SMYD3: variants seen among roughly 807,000 people sequenced by gnomAD.
The protein encoded by SMYD3 is histone-lysine N-methyltransferase SMYD3.
A neutral mutation model predicts 57.7 loss-of-function variants in SMYD3; 36 were observed. The observed-to-expected ratio is 0.62, with a 90% CI of 0.48 to 0.82. The LOEUF is 0.82. Among genes scored for constraint, SMYD3 ranks in the 40% least tolerant of loss-of-function variants. The probability of loss-of-function intolerance (pLI) is 0.00; values close to 1 mark genes in which losing one functional copy is unlikely to be tolerated. For synonymous variants in SMYD3, 211 were observed against 195.0 expected (o/e 1.08, Z -0.68); for missense variants, 515 against 538.8 (o/e 0.96, Z 0.44).
chr1:246,349,795 A>G (rs756322004), intron 2 of SMYD3, among the ~76,000 whole-genome samples: 1 of 152,220 alleles, frequency 6.6e-6, no homozygotes, highest in Non-Finnish European at 1.5e-5. Flanking sequence ...GTTCTAATGA[A>G]GAGAAAAGAA....
At chr1:245,968,914 G>A (rs1572812682) in intron 5 of SMYD3, among the ~76,000 whole-genome samples, 1 of 152,074 alleles carries the variant, frequency 6.6e-6, no homozygotes, top group African/African-American at 2.4e-5. Flanking sequence ...CACTGTTAAG[G>A]AGGCAATGCT....
chr1:246,267,899 T>G (rs944743713), intron 5 of SMYD3, among the ~76,000 whole-genome samples: 4 of 152,258 alleles, frequency 2.6e-5, no homozygotes, highest in African/African-American at 9.6e-5. Context: ...GTCTTTGTTC[T>G]GTCAATCCCT....
intron 8 of SMYD3, among the ~76,000 whole-genome samples, chr1:245,890,216 C>T (rs770074509): frequency 4.5e-4 from 69 of 152,058 alleles, no homozygotes; most frequent in Non-Finnish European, 8.1e-4. Context: ...GCAACCAAAA[C>T]AAAAATGGAC....
chr1:245,951,116 A>C (rs1034809689), intron 5 of SMYD3, among the ~76,000 whole-genome samples: 1 of 152,126 alleles, frequency 6.6e-6, no homozygotes, highest in African/African-American at 2.4e-5. Flanking sequence ...CTGAAGAAAA[A>C]CAAGGAGGCA....
chr1:246,180,533 G>A (rs1298324469), intron 5 of SMYD3, among the ~76,000 whole-genome samples: 1 of 150,040 alleles, frequency 6.7e-6, no homozygotes, highest in African/African-American at 2.4e-5. Flanking sequence ...CGAGGCAGGT[G>A]GATCATGAAG....
At chr1:245,840,102 A>G (rs566636914) in intron 10 of SMYD3, among the ~76,000 whole-genome samples, 3 of 152,314 alleles carry the variant, frequency 2.0e-5, no homozygotes, top group African/African-American at 4.8e-5. Flanking sequence ...CAGCACTTTC[A>G]GAGTGAAAGA....
At position 246,285,528 on chromosome 1, in the gene SMYD3, T is replaced by C. The variant is rs529445658; in HGVS notation, c.531+41673A>G. ...AGGACTTAAATCTAAGACCTGAAAC[T>C]ATAAAAATGCTACAAAAAAAAAAAT... On this transcript the variant is annotated intron_variant, in intron 5 of 11. Coordinates refer to ENST00000490107, the MANE Select transcript of SMYD3 (RefSeq NM_001167740.2). Among the ~76,000 whole-genome samples, 8 of 150,382 alleles carry C rather than the reference T, an allele frequency of 5.3e-5. No homozygotes were observed. The South Asian group carries it at 1.3e-3, about 24-fold the overall frequency.
intron 1 of SMYD3, among the ~76,000 whole-genome samples, chr1:246,474,740 G>A (rs1342018024): frequency 6.6e-6 from 1 of 152,102 alleles, no homozygotes; most frequent in Non-Finnish European, 1.5e-5. Context: ...GGGGAGACAG[G>A]AGACAGAGGG....
chr1:246,034,491 G>GA (rs550487847), intron 5 of SMYD3: 23 of 152,286 alleles, frequency 1.5e-4, no homozygotes, highest in African/African-American at 5.5e-4. Context: ...AGACAATGAA[G>GA]AAAGAACATG....
chr1:245,776,053 C>T (rs372632790), intron 10 of SMYD3, among the ~76,000 whole-genome samples: 2 of 152,142 alleles, frequency 1.3e-5, no homozygotes, highest in African/African-American at 4.8e-5. Context: ...GTAGGAGAAA[C>T]AGTAGTATTC....
intron 1 of SMYD3, among the ~76,000 whole-genome samples, chr1:246,473,380 A>C (rs545063331): frequency 1.3e-5 from 2 of 152,330 alleles, no homozygotes; most frequent in South Asian, 4.1e-4. Context: ...ATTCAAAAAA[A>C]ATGCCTTGAT....
chr1:245,973,856 G>A lies in SMYD3; in HGVS notation c.532-43919C>T, dbSNP rs573804811. 1.4e-4 allele frequency among the ~76,000 whole-genome samples: 21 copies of A among 152,254 alleles called. No individual in the cohort carries two copies. The South Asian group carries it at 2.1e-3, about 15-fold the overall frequency. On this transcript the variant is annotated intron_variant, in intron 5 of 11. Coordinates refer to ENST00000490107, the MANE Select transcript of SMYD3 (RefSeq NM_001167740.2). ...AGACCTATTTCTCACCAAGTCATTC[G>A]GAAACGTAAATGTCCAGAAAAATAA...
chr1:246,386,849 T>C (rs934072248), intron 1 of SMYD3, among the ~76,000 whole-genome samples: 6 of 152,058 alleles, frequency 3.9e-5, no homozygotes, highest in African/African-American at 1.2e-4. Flanking sequence ...CATTATAAGA[T>C]TGTTATACAA....
At chr1:245,836,595 G>A (rs189399110) in intron 10 of SMYD3, among the ~76,000 whole-genome samples, 1 of 152,280 alleles carries the variant, frequency 6.6e-6, no homozygotes. Flanking sequence ...TCAGTGGACC[G>A]TCCTAAACAT....
At chr1:246,339,927 G>A (rs1477674922) in intron 2 of SMYD3, among the ~76,000 whole-genome samples, 3 of 152,100 alleles carry the variant, frequency 2.0e-5, no homozygotes, top group African/African-American at 7.2e-5. Context: ...TGGACTTCCC[G>A]GCCTCCAGAA....
chr1:245,941,244 C>G (rs1450566704), intron 5 of SMYD3, among the ~76,000 whole-genome samples: 3 of 152,234 alleles, frequency 2.0e-5, no homozygotes, highest in Admixed American at 1.3e-4. Context: ...AAACATAACT[C>G]AAGGTATCAT....
chr1:245,901,400 A>G (rs1206412495), intron 8 of SMYD3, among the ~76,000 whole-genome samples: 1 of 152,236 alleles, frequency 6.6e-6, no homozygotes, highest in Non-Finnish European at 1.5e-5. Flanking sequence ...ATTATGTGAA[A>G]TATTTCATAT....
intron 10 of SMYD3, among the ~76,000 whole-genome samples, chr1:245,792,811 G>A (rs1294440545): frequency 6.6e-6 from 1 of 152,126 alleles, no homozygotes; most frequent in African/African-American, 2.4e-5. Context: ...GGACGACGTC[G>A]AAGTTCAAAG....
At chr1:246,482,830 A>G (rs1178411850) in intron 1 of SMYD3, among the ~76,000 whole-genome samples, 1 of 152,212 alleles carries the variant, frequency 6.6e-6, no homozygotes, top group Admixed American at 6.5e-5. Context: ...GAAACGTCCA[A>G]CAAGATCCTG....
Sources: gnomAD v4.1 joint callset for allele counts (sites outside exome capture counted in the v4.1 genomes callset) on GRCh38, gnomAD v4.1.1 for gene constraint, MANE v1.5 for transcripts, NCBI Gene and HGNC (gene_info 2026-07-23, HGNC 2026-07-21) for gene names.